RGPD1: variants seen among roughly 807,000 people sequenced by gnomAD.
The protein encoded by RGPD1 is RANBP2 like and GRIP domain containing 1.
Under a neutral mutation model 40.6 loss-of-function variants are expected in RGPD1, and 7 were observed. The ratio of observed to expected loss-of-function variants is 0.17; its 90% CI spans 0.10 to 0.32. RGPD1 has a LOEUF of 0.32. Among genes scored for constraint, RGPD1 ranks in the 10% least tolerant of loss-of-function variants. The pLI, the probability that RGPD1 is intolerant of heterozygous loss-of-function variation, is 1.00. For synonymous variants in RGPD1, 24 were observed against 167.0 expected (o/e 0.14, Z 6.60); for missense variants, 50 against 472.5 (o/e 0.11, Z 8.29).
Position 86,936,836 on chromosome 2 carries a change from CATTTT to C in RGPD1, c.73-14439_73-14435del, listed in dbSNP as rs67127292. 4.6e-4 allele frequency among the ~76,000 whole-genome samples: 67 copies of C among 144,248 alleles called. 1 individual carries two copies. The highest frequency in any genetic ancestry group is 2.8e-3 in the South Asian group (13 of 4,614). The allele number at this position is 144,248 out of a possible 152,430, so 94.6% of individuals were successfully genotyped here. On this transcript the variant is annotated intron_variant, in intron 1 of 22. Transcript: ENST00000398193. ...GTTCATTTGGGGACTCGAAATTCTCCATTTTATTTTATTTTATTTTATTTTTTCTG... is the reference window on the plus strand; with the variant it reads ...GTTCATTTGGGGACTCGAAATTCTCCATTTTATTTTATTTTATTTTTTCTG...
chr2:87,002,907 G>C (rs2104858598), intron 22 of RGPD1: 1 of 139,508 alleles, frequency 7.2e-6, no homozygotes, highest in East Asian at 2.0e-4. Flanking sequence ...TTTTTAACCA[G>C]TAGAATACAG....
chr2:86,940,888 C>G (rs1287813651), upstream of RGPD1, among the ~76,000 whole-genome samples: 2 of 152,124 alleles, frequency 1.3e-5, no homozygotes, highest in East Asian at 3.8e-4. Flanking sequence ...ACTAGATTTT[C>G]TTTACATGTC....
At chr2:86,926,754 T>C (rs1573575324) in intron 1 of RGPD1, among the ~76,000 whole-genome samples, 1 of 152,240 alleles carries the variant, frequency 6.6e-6, no homozygotes, top group African/African-American at 2.4e-5. Flanking sequence ...TTAATTAAGG[T>C]AGTATTACAA....
chr2:86,929,112 GCTTGA>G (rs1288079283), intron 1 of RGPD1, among the ~76,000 whole-genome samples: 1 of 144,134 alleles, frequency 6.9e-6, no homozygotes, highest in Non-Finnish European at 1.5e-5. Flanking sequence ...AGCATTTAAG[GCTTGA>G]CTTGTGCTCT....
intron 18 of RGPD1, 136 bp from the exon 19 acceptor site, chr2:86,984,618 C>T: frequency 1.4e-4 from 1 of 7,196 alleles, no homozygotes; most frequent in Non-Finnish European, 1.8e-4. Flanking sequence ...TTTTGATGTA[C>T]AGAAATTTAA....
At chr2:86,936,644 G>T (rs1031033720) in intron 1 of RGPD1, among the ~76,000 whole-genome samples, 1 of 43,110 alleles carries the variant, frequency 2.3e-5, no homozygotes, top group Non-Finnish European at 3.8e-5. Flanking sequence ...CTGCCACCAT[G>T]CCTGGCTAAT....
intron 21 of RGPD1, among the ~76,000 whole-genome samples, chr2:86,996,993 C>T (rs868198579): frequency 0.018 from 2,286 of 129,800 alleles, 103 homozygotes; most frequent in African/African-American, 0.067. Context: ...CTCATGGAGA[C>T]GTTCCATCAG....
At chr2:86,918,621 G>A (rs1340733762) in intron 1 of RGPD1, among the ~76,000 whole-genome samples, 4 of 148,588 alleles carry the variant, frequency 2.7e-5, no homozygotes, top group African/African-American at 7.6e-5. Context: ...CACCACGCCC[G>A]GCTAATTTTT....
At chr2:86,941,859 C>G (rs1410486728), upstream of RGPD1, among the ~76,000 whole-genome samples, 1 of 151,478 alleles carries the variant, frequency 6.6e-6, no homozygotes. Flanking sequence ...TACAGGGGCC[C>G]ACCTCCACGC....
chr2:86,944,993 G>A (rs1680234546), intron 1 of RGPD1, among the ~76,000 whole-genome samples: 2 of 150,948 alleles, frequency 1.3e-5, no homozygotes. Flanking sequence ...TGAGATTACA[G>A]GTGTGAGCCA....
At chr2:87,007,417 TC>T (rs2104863291) in intron 22 of RGPD1, among the ~76,000 whole-genome samples, 1 of 152,062 alleles carries the variant, frequency 6.6e-6, no homozygotes, top group African/African-American at 2.4e-5. Flanking sequence ...TCTCGCTGTT[TC>T]CCAGGCTGGA....
intron 1 of RGPD1, among the ~76,000 whole-genome samples, chr2:86,945,525 G>GATGCGTCTGTATATCATAT (rs1217666393): frequency 6.6e-6 from 1 of 152,170 alleles, no homozygotes; most frequent in East Asian, 1.9e-4. Flanking sequence ...GGAGTGTGAT[G>GATGCGTCTGTATATCATAT]ATGCGTCTGT....
intron 1 of RGPD1, among the ~76,000 whole-genome samples, chr2:86,923,169 G>T (rs1678158495): frequency 6.8e-6 from 1 of 147,172 alleles, no homozygotes; most frequent in South Asian, 2.2e-4. Context: ...CTCCTGAATA[G>T]CTGGGATTAC....
rs1678918174 is a variant in RGPD1, at chr2:86,931,014, AATGC to A, written c.72+17094_72+17097del. Among the ~76,000 whole-genome samples the A allele has an allele frequency of 5.2e-5, 6 of 114,892 alleles. No individual in the cohort carries two copies. In the South Asian group the frequency reaches 2.1e-3, roughly 40 times the overall value. 75.4% of individuals were successfully genotyped at this position (114,892 alleles called of 152,430 possible). A position where few individuals can be genotyped will look rare whatever the true frequency, so the allele number is the denominator to read the frequency against. ...CAGGGAATGTATTCTTTCACTGTAGAATGCTGAATGGAAAACCAAATTTCAATAG... is the reference window on the plus strand; with the variant it reads ...CAGGGAATGTATTCTTTCACTGTAGATGAATGGAAAACCAAATTTCAATAG... On this transcript the variant is annotated intron_variant, in intron 1 of 22. Coordinates refer to the RGPD1 transcript ENST00000398193.
chr2:86,926,964 A>G (rs1402594188), intron 1 of RGPD1, among the ~76,000 whole-genome samples: 5 of 152,138 alleles, frequency 3.3e-5, no homozygotes, highest in Non-Finnish European at 7.4e-5. Context: ...CATTTGAGAG[A>G]GAGCCCTTCA....
At chr2:86,945,376 G>C (rs1490008409) in intron 1 of RGPD1, among the ~76,000 whole-genome samples, 1 of 152,140 alleles carries the variant, frequency 6.6e-6, no homozygotes, top group African/African-American at 2.4e-5. Flanking sequence ...ACAAAACAGG[G>C]TGCTTTGGAT....
upstream of RGPD1, among the ~76,000 whole-genome samples, chr2:86,938,912 A>C (rs1386888148): frequency 1.5e-5 from 2 of 130,360 alleles, no homozygotes; most frequent in African/African-American, 5.7e-5. Context: ...TTTGTTTGAC[A>C]CAGAGTGGGC....
In RGPD1 at chr2:86,942,241, G is replaced by C; in HGVS notation, c.5G>C (p.Arg2Thr). The change falls in exon 1 of 23, where the codon AGG becomes ACG. Residue 2 changes from arginine (R) to threonine (T), a missense_variant. Physicochemically the swap from Arg to Thr is moderately conservative, Grantham distance 71. Coordinates refer to ENST00000641458, the MANE Select transcript of RGPD1 (RefSeq NM_001382344.1). M[R>T]RSKAYGERYV... The stretch of plus-strand genomic sequence containing the variant: ...GGGAGCCAGGTTGGCGGTGCGATGA[G>C]GCGCAGCAAGGCCTACGGGGAGCGG... 1 of 1,605,608 alleles carries C rather than the reference G, an allele frequency of 6.2e-7. No individual in the cohort carries two copies. The highest frequency in any genetic ancestry group is 1.3e-5 in the African/African-American group (1 of 74,752).
intron 1 of RGPD1, among the ~76,000 whole-genome samples, chr2:86,914,905 CGGCGGAGGCGGCGGCCTCGACCTGGCCG>C (rs1677714400): frequency 1.5e-5 from 1 of 64,712 alleles, no homozygotes; most frequent in Non-Finnish European, 3.0e-5. Context: ...GGCCGGGCGG[CGGCGGAGGCGGCGGCCTCGACCTGGCCG>C]GGCGGCGGCG....
Sources: allele counts gnomAD v4.1 joint callset (sites outside exome capture counted in the v4.1 genomes callset), GRCh38; gene constraint gnomAD v4.1.1; transcripts MANE v1.5; gene names NCBI Gene and HGNC (gene_info 2026-07-23, HGNC 2026-07-21).